Variants in ZDHHC21 observed in about 807,000 individuals in gnomAD.
The protein encoded by ZDHHC21 is zDHHC palmitoyltransferase 21.
A neutral mutation model predicts 34.6 loss-of-function variants in ZDHHC21; 15 were observed. The ratio of observed to expected loss-of-function variants is 0.43; its 90% CI spans 0.29 to 0.67. The LOEUF (loss-of-function observed/expected upper bound fraction) is 0.67. Among genes scored for constraint, ZDHHC21 ranks in the 30% least tolerant of loss-of-function variants. ZDHHC21 has a pLI of 0.14. For synonymous variants in ZDHHC21, 142 were observed against 101.8 expected (o/e 1.40, Z -2.38); for missense variants, 344 against 327.7 (o/e 1.05, Z -0.38).
At chr9:14,589,498 T>C in the ZDHHC21 span, 1 of 152,118 alleles carries the variant, frequency 6.6e-6, no homozygotes, top group Non-Finnish European at 1.5e-5. Flanking sequence ...AGGCTGGAGT[T>C]TTCAGGGCAC....
chr9:14,642,115 A>G (rs1418277293), intron 7 of ZDHHC21, among the ~76,000 whole-genome samples: 2 of 152,228 alleles, frequency 1.3e-5, no homozygotes, highest in Non-Finnish European at 1.5e-5. Flanking sequence ...TACTTATAAT[A>G]TTACATTTAT....
the ZDHHC21 span, among the ~76,000 whole-genome samples, chr9:14,604,362 T>A: frequency 2.0e-5 from 3 of 152,268 alleles, no homozygotes; most frequent in Admixed American, 2.0e-4. Flanking sequence ...AAATCTACAT[T>A]AATAAAGATG....
In ZDHHC21 at chr9:14,616,025, A is replaced by T. The variant is rs190143746; in HGVS notation, c.*2941T>A. ...AGATATAACTCTGCGAAATGTAAAA[A>T]AAAGAACAAAGAAAAGGAAAATTAT... On this transcript the variant is annotated 3_prime_UTR_variant, in exon 10 of 10. Coordinates refer to ENST00000380916, the MANE Select transcript of ZDHHC21 (RefSeq NM_178566.6). The T allele has an allele frequency of 1.8e-4, 28 of 151,842 alleles. No individual in the cohort carries two copies. The East Asian group carries it at 5.0e-3, about 27-fold the overall frequency. 9.4% of individuals were successfully genotyped at this position (151,842 alleles called of 1,614,324 possible).
chr9:14,595,694 A>C, the ZDHHC21 span, among the ~76,000 whole-genome samples: 2 of 152,240 alleles, frequency 1.3e-5, no homozygotes, highest in African/African-American at 4.8e-5. Context: ...AACTCTTTTG[A>C]CTCAGTAAGA....
In ZDHHC21 at chr9:14,684,402, C is replaced by T. The variant is rs928154796; in HGVS notation, c.-175-4240G>A. Among the ~76,000 whole-genome samples the T allele has an allele frequency of 4.0e-5, 6 of 148,804 alleles. 1 individual carries two copies. In the Middle Eastern group the frequency reaches 0.01, roughly 255 times the overall value. ...CAAAAATCACAAGCATTCTTATACA[C>T]CAACAACAGACAAACAGAGAGCCAA... On this transcript the variant is annotated intron_variant, in intron 2 of 9. Transcript: ENST00000380916.
At chr9:14,591,656 T>A in the ZDHHC21 span, among the ~76,000 whole-genome samples, 3 of 152,124 alleles carry the variant, frequency 2.0e-5, no homozygotes, top group Admixed American at 2.0e-4. Flanking sequence ...TTCATACAAA[T>A]TGAGACATAA....
downstream of ZDHHC21, among the ~76,000 whole-genome samples, chr9:14,610,821 T>G (rs1823196568): frequency 6.6e-6 from 1 of 152,068 alleles, no homozygotes; most frequent in African/African-American, 2.4e-5. Context: ...CTGCGTCATC[T>G]CTAAGATAAA....
intron 7 of ZDHHC21, among the ~76,000 whole-genome samples, chr9:14,640,959 C>G (rs982966447): frequency 6.6e-6 from 1 of 152,092 alleles, no homozygotes; most frequent in African/African-American, 2.4e-5. Flanking sequence ...TAAGACTTCT[C>G]CTGGAAATCT....
intron 7 of ZDHHC21, among the ~76,000 whole-genome samples, chr9:14,647,751 T>C (rs1830518649): frequency 6.6e-6 from 1 of 152,150 alleles, no homozygotes; most frequent in Non-Finnish European, 1.5e-5. Flanking sequence ...GTCACCTTTC[T>C]TATTACCTTT....
intron 1 of ZDHHC21, among the ~76,000 whole-genome samples, chr9:14,691,853 C>T (rs768017115): frequency 2.6e-5 from 4 of 151,984 alleles, no homozygotes; most frequent in Non-Finnish European, 5.9e-5. Flanking sequence ...TTTAATGTAC[C>T]TTCAAACCAC....
At chr9:14,691,370 G>A (rs991440159) in intron 1 of ZDHHC21, among the ~76,000 whole-genome samples, 4 of 152,198 alleles carry the variant, frequency 2.6e-5, no homozygotes, top group Admixed American at 2.6e-4. Context: ...TAACTGCAGA[G>A]ACCATTTGAG....
At chr9:14,602,484 G>A in the ZDHHC21 span, among the ~76,000 whole-genome samples, 1 of 151,800 alleles carries the variant, frequency 6.6e-6, no homozygotes, top group Non-Finnish European at 1.5e-5. Flanking sequence ...ACAAAGTGCA[G>A]TGATTCCCAA....
At chr9:14,603,514 GT>G in the ZDHHC21 span, among the ~76,000 whole-genome samples, 1 of 152,074 alleles carries the variant, frequency 6.6e-6, no homozygotes, top group Non-Finnish European at 1.5e-5. Context: ...CCCCAGTGTG[GT>G]TTTTACTTCT....
At chr9:14,658,992 T>A in intron 6 of ZDHHC21, 105 bp from the exon 7 acceptor site, 1 of 1,154,558 alleles carries the variant, frequency 8.7e-7, no homozygotes, top group Non-Finnish European at 1.2e-6. Context: ...TATGCTTAAC[T>A]TCATGGAGAT....
At chr9:14,609,407 G>C (rs971060228), downstream of ZDHHC21, among the ~76,000 whole-genome samples, 6 of 152,012 alleles carry the variant, frequency 3.9e-5, no homozygotes, top group African/African-American at 1.4e-4. Context: ...TTTCAGACTT[G>C]GGTATTTGGC....
rs1042484443 is a variant in ZDHHC21 at position 14,612,477 on chromosome 9, A to C, written c.*6489T>G. 3 of 151,968 alleles carry C rather than the reference A, an allele frequency of 2.0e-5. No individual in the cohort carries two copies. The highest frequency in any genetic ancestry group is 4.8e-5 in the African/African-American group (2 of 41,430). The allele number at this position is 151,968 out of a possible 1,614,324, so 9.4% of individuals were successfully genotyped here. A position where few individuals can be genotyped will look rare whatever the true frequency, so the allele number is the denominator to read the frequency against. On this transcript the variant is annotated 3_prime_UTR_variant, in exon 10 of 10. Transcript: ENST00000380916. ...CATTACATTTGGACAATTACATTTC[A>C]AAGGTGTTTTAAATTACGAGTACAC...
rs1030261800 is a variant in ZDHHC21, at chr9:14,614,858, A to T, written c.*4108T>A. On this transcript the variant is annotated 3_prime_UTR_variant, in exon 10 of 10. Transcript: ENST00000380916. ...CTCAATGTTTGTATGTGTGAATTTTATCAAATAAATTCTAGATATATCTAT... is the reference window on the plus strand; with the variant it reads ...CTCAATGTTTGTATGTGTGAATTTTTTCAAATAAATTCTAGATATATCTAT... 6.6e-6 allele frequency: 1 copy of T among 151,682 alleles called. No individual in the cohort carries two copies. Among genetic ancestry groups the T allele is most frequent in the African/African-American group, 2.4e-5 (1 of 41,412 alleles). 9.4% of individuals were successfully genotyped at this position (151,682 alleles called of 1,614,324 possible).
intron 8 of ZDHHC21, among the ~76,000 whole-genome samples, chr9:14,634,719 T>A (rs1350410822): frequency 6.6e-6 from 1 of 151,672 alleles, no homozygotes; most frequent in African/African-American, 2.4e-5. Context: ...AAAAGCAAAT[T>A]CAAAAAATTG....
chr9:14,635,298 G>T (rs925871691), intron 8 of ZDHHC21, among the ~76,000 whole-genome samples: 6 of 152,184 alleles, frequency 3.9e-5, no homozygotes, highest in African/African-American at 1.4e-4. Context: ...CTCAAGTCTA[G>T]CAAGTGATCA....
Sources: allele counts gnomAD v4.1 joint callset (sites outside exome capture counted in the v4.1 genomes callset), GRCh38; gene constraint gnomAD v4.1.1; transcripts MANE v1.5; gene names NCBI Gene and HGNC (gene_info 2026-07-23, HGNC 2026-07-21).